MAPKAP1: variants seen among roughly 807,000 people sequenced by gnomAD.
MAPKAP1 encodes the protein target of rapamycin complex 2 subunit MAPKAP1.
MAPKAP1 carries 20 observed loss-of-function variants against 65.7 expected under a neutral mutation model. The ratio of observed to expected loss-of-function variants is 0.30; its 90% CI spans 0.21 to 0.44. The LOEUF (loss-of-function observed/expected upper bound fraction) is 0.44. Among genes scored for constraint, MAPKAP1 ranks in the 20% least tolerant of loss-of-function variants. MAPKAP1 has a pLI of 1.00. For missense variants in MAPKAP1, 423 were observed against 648.0 expected, an observed-to-expected ratio of 0.65 and a Z score of 3.77; for synonymous variants, 222 against 244.3, an observed-to-expected ratio of 0.91 and a Z score of 0.85.
chr9:125,565,718 C>G (rs1831030262), intron 5 of MAPKAP1: 1 of 363,796 alleles, frequency 2.7e-6, no homozygotes, highest in Non-Finnish European at 5.4e-6. Context: ...TAGATAACTT[C>G]CTGATCCTCA....
intron 4 of MAPKAP1, among the ~76,000 whole-genome samples, chr9:125,653,230 C>A (rs976822249): frequency 6.6e-6 from 1 of 152,168 alleles, no homozygotes; most frequent in African/African-American, 2.4e-5. Context: ...TAACAAGAAA[C>A]AGAGTAACAA....
chr9:125,682,206 T>C (rs1216115036), intron 1 of MAPKAP1, among the ~76,000 whole-genome samples: 1 of 152,216 alleles, frequency 6.6e-6, no homozygotes, highest in Non-Finnish European at 1.5e-5. Flanking sequence ...TCAGTTTGAA[T>C]GGCAAGGATC....
At chr9:125,608,373 G>C (rs894550026) in intron 4 of MAPKAP1, among the ~76,000 whole-genome samples, 2 of 152,066 alleles carry the variant, frequency 1.3e-5, no homozygotes, top group Admixed American at 1.3e-4. Context: ...TCATAGCAAG[G>C]GAAATGGCAC....
chr9:125,583,845 C>T (rs1388415441), intron 5 of MAPKAP1, among the ~76,000 whole-genome samples: 1 of 152,108 alleles, frequency 6.6e-6, no homozygotes, highest in East Asian at 1.9e-4. Context: ...GGGTGGATCA[C>T]GAGGTCAGGA....
intron 7 of MAPKAP1, among the ~76,000 whole-genome samples, chr9:125,528,612 G>A (rs952104719): frequency 3.3e-5 from 5 of 152,278 alleles, no homozygotes; most frequent in African/African-American, 1.2e-4. Context: ...ACTTTGGGAG[G>A]CCGAGGCAGG....
chr9:125,654,149 T>C (rs1833967145), intron 4 of MAPKAP1, among the ~76,000 whole-genome samples: 1 of 152,186 alleles, frequency 6.6e-6, no homozygotes, highest in Non-Finnish European at 1.5e-5. Flanking sequence ...AATGTCTACT[T>C]GCCTCTCAGC....
chr9:125,438,958 G>C lies in MAPKAP1; in HGVS notation c.1498C>G (p.Gln500Glu). The change falls in exon 12 of 12, where the codon CAA becomes GAA. Residue 500 changes from glutamine (Q) to glutamate (E), a missense_variant. By Grantham distance (29) the Gln-to-Glu change is conservative (BLOSUM62 2). This residue lies in a region of MAPKAP1 where 185 missense variants were observed against 268.1 expected (regional missense o/e 0.69). Transcript: ENST00000265960. ...CGTCTGTTCAGTTTTCTTTGTTTTT[G>C]AGCAAAGTAGTCAGCCCGGGCAGTG... is the stretch of plus-strand genomic sequence containing the variant. ...ASTARADYFA[Q>E]KQRKLNRRTS... 1 of 1,614,188 alleles carries C rather than the reference G, an allele frequency of 6.2e-7. No homozygotes were observed. The highest frequency in any genetic ancestry group is 8.5e-7 in the Non-Finnish European group (1 of 1,180,022).
chr9:125,585,643 C>G lies in MAPKAP1; in HGVS notation c.583G>C (p.Val195Leu). 1 of 1,614,248 alleles carries G rather than the reference C, an allele frequency of 6.2e-7. No individual in the cohort carries two copies. Among genetic ancestry groups the G allele is most frequent in the Non-Finnish European group, 8.5e-7 (1 of 1,180,046 alleles). The change falls in exon 5 of 12, where the codon GTG becomes CTG. Residue 195 changes from valine to leucine, a missense_variant. Physicochemically the swap from Val to Leu is conservative, Grantham distance 32. Transcript: ENST00000265960. ...SSQDRLLPMT[V>L]VTMASARVQD... is the part of the protein sequence containing the mutation. ...ACCCTGGCGCTGGCCATTGTCACCA[C>G]GGTCATTGGCAGCAGTCTGTCCTGG...
intron 8 of MAPKAP1, among the ~76,000 whole-genome samples, chr9:125,499,016 C>T (rs147440954): frequency 9.8e-4 from 149 of 152,274 alleles, no homozygotes; most frequent in African/African-American, 3.2e-3. Context: ...TGCTGTTCTA[C>T]GAGCTGTATG....
intron 4 of MAPKAP1, among the ~76,000 whole-genome samples, chr9:125,625,255 TAAAAAAAAAA>T (rs58671780): frequency 1.5e-5 from 1 of 64,712 alleles, no homozygotes; most frequent in South Asian, 5.7e-4. Context: ...AATAAATAAA[TAAAAAAAAAA>T]AAAAAAAAAA....
chr9:125,553,499 G>A (rs748881220), intron 6 of MAPKAP1, among the ~76,000 whole-genome samples: 3 of 151,872 alleles, frequency 2.0e-5, no homozygotes, highest in Non-Finnish European at 4.4e-5. Context: ...CCAAGATCAC[G>A]CCATTACACT....
At chr9:125,445,065 G>A (rs1047400315) in intron 10 of MAPKAP1, among the ~76,000 whole-genome samples, 4 of 152,154 alleles carry the variant, frequency 2.6e-5, no homozygotes, top group Non-Finnish European at 5.9e-5. Flanking sequence ...CCTGCCTGGA[G>A]AGGGAGAATC....
chr9:125,703,496 G>C (rs1484429072), intron 1 of MAPKAP1, among the ~76,000 whole-genome samples: 1 of 152,146 alleles, frequency 6.6e-6, no homozygotes, highest in Admixed American at 6.5e-5. Context: ...ATGTGGCCAC[G>C]AATGGTGGCT....
chr9:125,696,047 T>A (rs570655542), intron 1 of MAPKAP1, among the ~76,000 whole-genome samples: 7 of 152,230 alleles, frequency 4.6e-5, no homozygotes, highest in Non-Finnish European at 8.8e-5. Flanking sequence ...TATATGATAA[T>A]TAGAAAAGAG....
chr9:125,642,704 C>G (rs552835875), intron 4 of MAPKAP1, among the ~76,000 whole-genome samples: 9 of 152,204 alleles, frequency 5.9e-5, no homozygotes, highest in African/African-American at 1.9e-4. Context: ...AGGAGTATGC[C>G]TACGCTGCAT....
chr9:125,570,680 T>TG (rs1361102856), intron 5 of MAPKAP1, among the ~76,000 whole-genome samples: 3 of 152,220 alleles, frequency 2.0e-5, no homozygotes, highest in African/African-American at 7.2e-5. Flanking sequence ...GGTGAAAGAT[T>TG]GTAAGAAATC....
Position 125,499,793 on chromosome 9 carries a change from A to G in MAPKAP1, c.1066+6517T>C, listed in dbSNP as rs116874414. Reference sequence around the variant, plus strand: ...ATGGGAGGCAGAAGCAAGCCTGGGCAACATAGCAAGACACCATCTCTACAA... The same window carrying G: ...ATGGGAGGCAGAAGCAAGCCTGGGCGACATAGCAAGACACCATCTCTACAA... On this transcript the variant is annotated intron_variant, in intron 8 of 11. Coordinates refer to ENST00000265960, the MANE Select transcript of MAPKAP1 (RefSeq NM_001006617.3). 3.1e-3 allele frequency among the ~76,000 whole-genome samples: 474 copies of G among 152,252 alleles called. 2 individuals are homozygous for G. The highest frequency in any genetic ancestry group is 6.8e-3 in the Middle Eastern group (2 of 294).
chr9:125,505,761 A>G (rs1829121803), intron 8 of MAPKAP1, among the ~76,000 whole-genome samples: 1 of 152,370 alleles, frequency 6.6e-6, no homozygotes, highest in Admixed American at 6.5e-5. Flanking sequence ...TGCTGCCGCA[A>G]GCGCAGTTTC....
At chr9:125,628,634 G>A (rs941408149) in intron 4 of MAPKAP1, among the ~76,000 whole-genome samples, 1 of 152,140 alleles carries the variant, frequency 6.6e-6, no homozygotes, top group African/African-American at 2.4e-5. Flanking sequence ...AATCAAGGGA[G>A]AAAACTTCAT....
Sources: allele counts gnomAD v4.1 joint callset (sites outside exome capture counted in the v4.1 genomes callset), GRCh38; gene constraint gnomAD v4.1.1; regional missense constraint gnomAD v4.1.1; transcripts MANE v1.5; gene names NCBI Gene and HGNC (gene_info 2026-07-23, HGNC 2026-07-21).